The following NBPF9 variants were observed in gnomAD, a reference collection of about 807,000 sequenced individuals.
NBPF9 encodes the protein NBPF member 9.
A neutral mutation model predicts 97.8 loss-of-function variants in NBPF9; 91 were observed. That is an observed-to-expected ratio of 0.93 (90% CI 0.79 to 1.11). NBPF9 has a LOEUF of 1.11. Ranked by LOEUF, NBPF9 falls within the 50% of genes least tolerant of loss-of-function variation. The probability of loss-of-function intolerance (pLI) is 0.00; values close to 1 mark genes in which losing one functional copy is unlikely to be tolerated. For missense variants in NBPF9, 992 were observed against 939.5 expected, an observed-to-expected ratio of 1.06 and a Z score of -0.73; for synonymous variants, 334 against 359.5, an observed-to-expected ratio of 0.93 and a Z score of 0.80.
intron 1 of NBPF9, among the ~76,000 whole-genome samples, chr1:149,103,078 C>T: frequency 6.6e-6 from 1 of 152,142 alleles, no homozygotes; most frequent in South Asian, 2.1e-4. Flanking sequence ...GAGTTTCTTC[C>T]CCAGCGCCCA....
intron 21 of NBPF9, among the ~76,000 whole-genome samples, chr1:149,062,506 G>T (rs587689592): frequency 1.4e-5 from 2 of 144,328 alleles, no homozygotes. Flanking sequence ...CGAATTGGCC[G>T]GGTGACACAC....
At chr1:149,101,595 A>T (rs2082147438) in intron 2 of NBPF9, among the ~76,000 whole-genome samples, 1 of 152,074 alleles carries the variant, frequency 6.6e-6, no homozygotes, top group Non-Finnish European at 1.5e-5. Context: ...CACTTCACAA[A>T]AGAGGACACA....
intron 5 of NBPF9, chr1:149,090,354 C>G (rs1269461141): frequency 8.0e-5 from 15 of 186,740 alleles, no homozygotes; most frequent in Non-Finnish European, 1.4e-4. Flanking sequence ...ATAAGACACT[C>G]TTGGGTTGCT....
intron 21 of NBPF9, among the ~76,000 whole-genome samples, 182 bp from the exon 22 acceptor site, chr1:149,062,447 G>C (rs1474367381): frequency 4.2e-5 from 6 of 144,226 alleles, no homozygotes; most frequent in African/African-American, 7.7e-5. Flanking sequence ...AAGAATGAAA[G>C]AGAAAGACAG....
At chr1:149,075,839 T>G in exon 12 of NBPF9, 1 of 1,480,154 alleles carries the variant, frequency 6.8e-7, no homozygotes, top group South Asian at 1.1e-5. Context: ...TGCTGACGTT[T>G]GTGGCAGAAG....
At chr1:149,055,495 C>T (rs1365965468) in exon 30 of NBPF9, 1,912 of 1,501,246 alleles carry the variant, frequency 1.3e-3, no homozygotes, top group Non-Finnish European at 1.5e-3. Context: ...TCAGACTGAG[C>T]ACAGGTTGCC....
intron 3 of NBPF9, among the ~76,000 whole-genome samples, chr1:149,099,414 C>A (rs1164637563): frequency 2.0e-5 from 3 of 152,196 alleles, no homozygotes; most frequent in Non-Finnish European, 1.5e-5. Flanking sequence ...AAAACTGTGA[C>A]ACTTGGAGAT....
At chr1:149,083,098 G>A (rs1160576919) in intron 5 of NBPF9, among the ~76,000 whole-genome samples, 2 of 150,824 alleles carry the variant, frequency 1.3e-5, no homozygotes, top group South Asian at 2.1e-4. Flanking sequence ...GTGAGCCACC[G>A]CGCCCGGCCG....
chr1:149,072,995 G>A, intron 13 of NBPF9, 63 bp from the exon 14 acceptor site: 2 of 1,557,224 alleles, frequency 1.3e-6, no homozygotes, highest in East Asian at 2.2e-5. Flanking sequence ...CTCAAATATT[G>A]CAACAGAGAT....
chr1:149,062,378 C>T lies in NBPF9; in HGVS notation c.2079-113G>A. ...CTGTTTAAAAAGAAAAAGGACAGAT[C>T]CATTAATGAGGTAATGAATTATTGC... On this transcript the variant is annotated intron_variant, in intron 21 of 29. Transcript: ENST00000584027. 7 of 660,626 alleles carry T rather than the reference C, an allele frequency of 1.1e-5. 1 individual carries two copies. In the Admixed American group the frequency reaches 1.2e-4, roughly 11 times the overall value. The allele number at this position is 660,626 out of a possible 1,614,324, so 40.9% of individuals were successfully genotyped here.
At chr1:149,079,288 C>G in intron 8 of NBPF9, 67 bp from the exon 9 acceptor site, 2 of 1,301,586 alleles carry the variant, frequency 1.5e-6, no homozygotes, top group Middle Eastern at 2.6e-4. Flanking sequence ...AATATTGCAA[C>G]AGAGACTTCT....
rs1367742234 is a variant in NBPF9, at chr1:149,072,887, C to T, written c.1137G>A (p.Gln379=). The stretch of plus-strand genomic sequence containing the variant: ...TCCCTTCCCGCAACTTCTCCCTTAA[C>T]TGGGTCAGCTCTCGTTCCTGAGCGT... Residue 379 remains glutamine, a synonymous_variant, in exon 14 of 30, where the codon CAG becomes CAA. Transcript: ENST00000584027. 17 of 1,606,992 alleles carry T rather than the reference C, an allele frequency of 1.1e-5. No homozygotes were observed. The Admixed American group carries it at 1.5e-4, about 14-fold the overall frequency.
rs781784743 is a variant in NBPF9 at position 149,055,646 on chromosome 1, T to G, written c.*10A>C. On this transcript the variant is annotated 3_prime_UTR_variant, in exon 30 of 30. Coordinates refer to ENST00000584027, the Ensembl canonical transcript of NBPF9. ...GCAGGAATGACATCTCTCGGCTTAG[T>G]AAGGGCTGCTTATTGTGGGAATATG... 6 of 1,611,826 alleles carry G rather than the reference T, an allele frequency of 3.7e-6. No individual in the cohort carries two copies. The East Asian group carries it at 1.1e-4, about 30-fold the overall frequency.
intron 4 of NBPF9, among the ~76,000 whole-genome samples, chr1:149,093,159 C>T (rs1359454400): frequency 1.8e-3 from 266 of 151,896 alleles, no homozygotes; most frequent in Non-Finnish European, 3.5e-3. Flanking sequence ...GTCTCTGCAT[C>T]ATAAACAAGG....
chr1:149,069,199 C>T (rs1449191274), intron 17 of NBPF9, among the ~76,000 whole-genome samples: 1 of 150,244 alleles, frequency 6.7e-6, no homozygotes, highest in Non-Finnish European at 1.5e-5. Flanking sequence ...ACCCTAACAT[C>T]ACAATTAAAA....
At chr1:149,054,848 T>A (rs2078105586) in exon 30 of NBPF9, 1 of 152,152 alleles carries the variant, frequency 6.6e-6, no homozygotes, top group Non-Finnish European at 1.5e-5. Flanking sequence ...TCAGTTGTCC[T>A]GCTCAGTGTT....
chr1:149,055,581 T>C (rs1236850217), exon 30 of NBPF9: 6 of 1,530,660 alleles, frequency 3.9e-6, no homozygotes, highest in Non-Finnish European at 4.5e-6. Context: ...AATGGAACTG[T>C]ACTTTCATTC....
At chr1:149,089,782 T>C (rs1420881325) in intron 5 of NBPF9, among the ~76,000 whole-genome samples, 3 of 152,302 alleles carry the variant, frequency 2.0e-5, no homozygotes, top group Admixed American at 1.3e-4. Context: ...TTTCATGCCT[T>C]TCTAATTTGA....
chr1:149,079,294 C>T (rs1436668642), intron 8 of NBPF9, 73 bp from the exon 9 acceptor site: 52 of 1,326,984 alleles, frequency 3.9e-5, no homozygotes, highest in Non-Finnish European at 5.5e-5. Context: ...GCAACAGAGA[C>T]TTCTGAGATA....
Sources: allele counts gnomAD v4.1 joint callset (sites outside exome capture counted in the v4.1 genomes callset), GRCh38; gene constraint gnomAD v4.1.1; transcripts MANE v1.5; gene names NCBI Gene and HGNC (gene_info 2026-07-23, HGNC 2026-07-21).